The following BBS9 variants were observed in gnomAD, a reference collection of about 807,000 sequenced individuals.
BBS9 encodes protein PTHB1.
Under a neutral mutation model 117.7 loss-of-function variants are expected in BBS9, and 89 were observed. The observed-to-expected ratio is 0.76, with a 90% CI of 0.64 to 0.90. The LOEUF (loss-of-function observed/expected upper bound fraction) is 0.90, where lower values mean the gene tolerates loss of function less well. Ranked by LOEUF, BBS9 falls within the 40% of genes least tolerant of loss-of-function variation. The probability of loss-of-function intolerance (pLI) is 0.00; values close to 1 mark genes in which losing one functional copy is unlikely to be tolerated. For missense variants in BBS9, 982 were observed against 1,042.2 expected, an observed-to-expected ratio of 0.94 and a Z score of 0.80; for synonymous variants, 379 against 370.9, an observed-to-expected ratio of 1.02 and a Z score of -0.25.
chr7:33,258,240 A>G (rs1038065548), intron 6 of BBS9, among the ~76,000 whole-genome samples: 2 of 152,232 alleles, frequency 1.3e-5, no homozygotes, highest in African/African-American at 4.8e-5. Context: ...ACATCTAAGC[A>G]ACACATCATC....
At chr7:33,516,115 C>A (rs1847732424) in intron 20 of BBS9, among the ~76,000 whole-genome samples, 1 of 152,136 alleles carries the variant, frequency 6.6e-6, no homozygotes. Context: ...TGACCGGAAC[C>A]TGAAAGCCAG....
At chr7:33,187,038 C>G (rs1406303869) in intron 5 of BBS9, among the ~76,000 whole-genome samples, 4 of 152,162 alleles carry the variant, frequency 2.6e-5, no homozygotes, top group African/African-American at 9.6e-5. Context: ...ATATTTTTGC[C>G]AGATTTTCAC....
At position 33,388,089 on chromosome 7, in the gene BBS9, A is replaced by G. The variant is rs1826360160; in HGVS notation, c.2060A>G (p.Lys687Arg). The G allele has an allele frequency of 6.2e-7, 1 of 1,614,036 alleles. No homozygotes were observed. ...QRRLLARFKDKTPAPLQHLDT... is the reference protein window; with the variant it reads ...QRRLLARFKDRTPAPLQHLDT... ...CGGCTACTAGCAAGATTCAAAGATAAAACTCCTGCCCCTCTTCAACACCTG... is the reference window on the plus strand; with the variant it reads ...CGGCTACTAGCAAGATTCAAAGATAGAACTCCTGCCCCTCTTCAACACCTG... Residue 687 changes from lysine to arginine, a missense_variant, in exon 19 of 23, where the codon AAA becomes AGA. Transcript: ENST00000242067.
At chr7:33,604,016 A>C (rs1202749656) in intron 21 of BBS9, among the ~76,000 whole-genome samples, 2 of 152,166 alleles carry the variant, frequency 1.3e-5, no homozygotes, top group Non-Finnish European at 2.9e-5. Context: ...CAAACTTGAG[A>C]GCTGAGGCTT....
chr7:33,145,507 G>A (rs532022571), intron 1 of BBS9, among the ~76,000 whole-genome samples: 26 of 152,280 alleles, frequency 1.7e-4, no homozygotes, highest in Non-Finnish European at 2.9e-4. Flanking sequence ...CTTTTTTGGT[G>A]TGAATTTCCC....
intron 5 of BBS9, among the ~76,000 whole-genome samples, chr7:33,229,238 C>A (rs1791859891): frequency 1.3e-5 from 2 of 152,176 alleles, no homozygotes; most frequent in South Asian, 4.1e-4. Context: ...ATCCCAAATA[C>A]AATATAATTT....
intron 4 of BBS9, among the ~76,000 whole-genome samples, chr7:33,157,405 T>C (rs535713271): frequency 5.3e-5 from 8 of 152,344 alleles, no homozygotes; most frequent in African/African-American, 1.9e-4. Context: ...AAAAGCTTTG[T>C]ATTCTCTGGG....
At chr7:33,570,640 AG>A (rs1857623249) in intron 21 of BBS9, among the ~76,000 whole-genome samples, 1 of 152,222 alleles carries the variant, frequency 6.6e-6, no homozygotes, top group Non-Finnish European at 1.5e-5. Context: ...ATTAATTTTA[AG>A]GGAAAACTGT....
At chr7:33,219,720 CA>C (rs1256921903) in intron 5 of BBS9, among the ~76,000 whole-genome samples, 5 of 152,126 alleles carry the variant, frequency 3.3e-5, no homozygotes, top group African/African-American at 1.2e-4. Flanking sequence ...AGCGCCCTGT[CA>C]AAACAGACCA....
intron 9 of BBS9, among the ~76,000 whole-genome samples, chr7:33,321,624 T>A (rs923977553): frequency 1.3e-5 from 2 of 152,028 alleles, no homozygotes; most frequent in African/African-American, 4.8e-5. Context: ...TTTGGTGGAG[T>A]CTTTAGTTCT....
intron 9 of BBS9, among the ~76,000 whole-genome samples, chr7:33,288,400 C>A (rs1018114073): frequency 3.9e-5 from 6 of 152,082 alleles, no homozygotes; most frequent in African/African-American, 1.4e-4. Context: ...GGTGCATTGG[C>A]AAGACTGTAA....
chr7:33,497,072 C>T (rs138956038), intron 19 of BBS9, among the ~76,000 whole-genome samples: 170 of 152,324 alleles, frequency 1.1e-3, no homozygotes, highest in Middle Eastern at 3.4e-3. Flanking sequence ...CTCTCCTAGA[C>T]TGAGAGTGCG....
intron 7 of BBS9, among the ~76,000 whole-genome samples, chr7:33,266,625 C>T (rs940898260): frequency 3.3e-5 from 5 of 152,122 alleles, no homozygotes; most frequent in Non-Finnish European, 7.4e-5. Flanking sequence ...CTTCTATATC[C>T]TTATTAGTTT....
rs752548438 is a variant in BBS9 at position 33,388,117 on chromosome 7, C to A, written c.2088C>A (p.Asp696Glu). The A allele has an allele frequency of 2.5e-6, 4 of 1,614,154 alleles. No individual in the cohort carries two copies. In the Admixed American group the frequency reaches 6.7e-5, roughly 27 times the overall value. ...CTCCTGCCCCTCTTCAACACCTGGA[C>A]ACCTTGTTAGATGGAACCTACAAGC... ...DKTPAPLQHLDTLLDGTYKQV... is the reference protein window; with the variant it reads ...DKTPAPLQHLETLLDGTYKQV... The change falls in exon 19 of 23, where the codon GAC becomes GAA. Residue 696 changes from aspartate (D) to glutamate (E), a missense_variant. Coordinates refer to ENST00000242067, the MANE Select transcript of BBS9 (RefSeq NM_198428.3).
At chr7:33,593,140 A>G (rs1862199248) in intron 21 of BBS9, among the ~76,000 whole-genome samples, 2 of 152,174 alleles carry the variant, frequency 1.3e-5, no homozygotes, top group South Asian at 2.1e-4. Flanking sequence ...AAAATCACAA[A>G]TACCTTCTTT....
rs185322932 is a variant in BBS9 at position 33,475,684 on chromosome 7, C to G, written c.2116-29779C>G. On this transcript the variant is annotated intron_variant, in intron 19 of 22. Transcript: ENST00000242067. ...ACAAACTCTCTGATTTCTCCCTCTC[C>G]CTTAGACATAGACTTTTCAGATATA... Among the ~76,000 whole-genome samples, 407 of 152,238 alleles carry G rather than the reference C, an allele frequency of 2.7e-3. 1 individual carries two copies. The highest frequency in any genetic ancestry group is 9.4e-3 in the African/African-American group (389 of 41,548).
chr7:33,450,116 G>A (rs1419922), intron 19 of BBS9, among the ~76,000 whole-genome samples: 26,314 of 152,072 alleles, frequency 0.17, 2,516 homozygotes, highest in South Asian at 0.21. Flanking sequence ...AAGTAGAATC[G>A]TGCAGTGGAA....
At chr7:33,378,864 G>C (rs1313702692) in intron 17 of BBS9, among the ~76,000 whole-genome samples, 2 of 152,144 alleles carry the variant, frequency 1.3e-5, no homozygotes, top group Non-Finnish European at 2.9e-5. Context: ...TCCTCATCAA[G>C]AACTCAGCTC....
chr7:33,205,263 C>T (rs924085527), intron 5 of BBS9, among the ~76,000 whole-genome samples: 1 of 152,130 alleles, frequency 6.6e-6, no homozygotes, highest in African/African-American at 2.4e-5. Flanking sequence ...TCCTGGGAAC[C>T]ATATTCTCCA....
Sources: gnomAD v4.1 joint callset for allele counts (sites outside exome capture counted in the v4.1 genomes callset) on GRCh38, gnomAD v4.1.1 for gene constraint, MANE v1.5 for transcripts, NCBI Gene and HGNC (gene_info 2026-07-23, HGNC 2026-07-21) for gene names.